FBXW8: variants seen among roughly 807,000 people sequenced by gnomAD.
FBXW8 encodes the protein F-box/WD repeat-containing protein 8.
Under a neutral mutation model 65.3 loss-of-function variants are expected in FBXW8, and 57 were observed. The observed-to-expected ratio is 0.87, with a 90% confidence interval of 0.71 to 1.09. The LOEUF (loss-of-function observed/expected upper bound fraction) is 1.09. FBXW8 is among the 50% of genes least tolerant of loss of function. The probability of loss-of-function intolerance (pLI) is 0.00; values close to 1 mark genes in which losing one functional copy is unlikely to be tolerated. For missense variants in FBXW8, 777 were observed against 814.8 expected, an observed-to-expected ratio of 0.95 and a Z score of 0.57; for synonymous variants, 308 against 330.2, an observed-to-expected ratio of 0.93 and a Z score of 0.73.
At position 116,979,777 on chromosome 12, in the gene FBXW8, C is replaced by CAAAAA. The variant is rs60145855; in HGVS notation, c.836-5414_836-5410dup. 4.4e-4 allele frequency among the ~76,000 whole-genome samples: 33 copies of CAAAAA among 74,490 alleles called. 1 individual carries two copies. Among genetic ancestry groups the CAAAAA allele is most frequent in the African/African-American group, 1.3e-3 (32 of 23,982 alleles). 48.9% of individuals were successfully genotyped at this position (74,490 alleles called of 152,430 possible). A position where few individuals can be genotyped will look rare whatever the true frequency, so the allele number is the denominator to read the frequency against. On this transcript the variant is annotated intron_variant, in intron 5 of 10. Transcript: ENST00000652555. Reference sequence around the variant, plus strand: ...GGATGATGCCTGGTGCAGGGAATGGCAAAAAAAAAAAAAAAAAAACACTTG... The same window carrying CAAAAA: ...GGATGATGCCTGGTGCAGGGAATGGCAAAAAAAAAAAAAAAAAAAAAAAACACTTG...
chr12:117,024,475 G>A (rs1954180193), intron 9 of FBXW8, among the ~76,000 whole-genome samples, 155 bp downstream of exon 9: 2 of 152,180 alleles, frequency 1.3e-5, no homozygotes, highest in Admixed American at 6.5e-5. Context: ...TGCTGTCCCA[G>A]CACCGCTCTG....
rs76510753 is a variant in FBXW8, at chr12:116,939,167, A to G, written c.424-6197A>G. Among the ~76,000 whole-genome samples the G allele has an allele frequency of 8.3e-3, 1,257 of 152,328 alleles. 18 individuals are homozygous for G. The highest frequency in any genetic ancestry group is 0.029 in the African/African-American group (1,195 of 41,560). Reference sequence around the variant, plus strand: ...GAGTTTAGGAAATGCAGCTTCTTATACAGGTTGAACTTCCCAAATCCAAAA... The same window carrying G: ...GAGTTTAGGAAATGCAGCTTCTTATGCAGGTTGAACTTCCCAAATCCAAAA... On this transcript the variant is annotated intron_variant, in intron 2 of 10. Transcript: ENST00000652555.
chr12:116,947,030 T>G (rs936962400), intron 3 of FBXW8, among the ~76,000 whole-genome samples: 5 of 152,052 alleles, frequency 3.3e-5, no homozygotes, highest in Non-Finnish European at 5.9e-5. Flanking sequence ...AAGCAGCAGC[T>G]GTGTTTTTTG....
Position 116,952,382 on chromosome 12 carries a change from G to A in FBXW8, c.677+2676G>A, listed in dbSNP as rs570724845. On this transcript the variant is annotated intron_variant, in intron 4 of 10. Coordinates refer to ENST00000652555, the MANE Select transcript of FBXW8 (RefSeq NM_153348.3). ...GCCATAAAATTCACTCTTTCAAAGT[G>A]TACAATTCAGTGATTTTTTCTTAGT... Among the ~76,000 whole-genome samples the A allele has an allele frequency of 1.9e-4, 29 of 152,268 alleles. No homozygotes were observed. The South Asian group carries it at 5.0e-3, about 26-fold the overall frequency.
intron 5 of FBXW8, among the ~76,000 whole-genome samples, chr12:116,971,766 A>C (rs1884662806): frequency 6.6e-6 from 1 of 151,964 alleles, no homozygotes; most frequent in African/African-American, 2.4e-5. Context: ...CCATTACTCA[A>C]CTGTGCTGTG....
rs543610840 is a variant in FBXW8, at chr12:117,025,655, C to T, written c.1541+1335C>T. On this transcript the variant is annotated intron_variant, in intron 9 of 10. Coordinates refer to ENST00000652555, the MANE Select transcript of FBXW8 (RefSeq NM_153348.3). ...CTGGGTACTGCCTGGCCCGCCCCCT[C>T]GCTGTGGCTGTGCCTGTTGAGGGCG... Among the ~76,000 whole-genome samples, 5 of 152,344 alleles carry T rather than the reference C, an allele frequency of 3.3e-5. No homozygotes were observed. In the South Asian group the frequency reaches 1.0e-3, roughly 32 times the overall value.
intron 2 of FBXW8, among the ~76,000 whole-genome samples, chr12:116,930,363 G>A (rs1881673788): frequency 6.6e-6 from 1 of 152,100 alleles, no homozygotes; most frequent in Non-Finnish European, 1.5e-5. Context: ...TCTAACAGGT[G>A]TAGTTTAATT....
chr12:117,011,292 A>G (rs1592956484), intron 8 of FBXW8, among the ~76,000 whole-genome samples: 1 of 151,046 alleles, frequency 6.6e-6, no homozygotes, highest in South Asian at 2.1e-4. Flanking sequence ...TGAGGCGGGT[A>G]CTCCTCTGTG....
Position 117,027,405 on chromosome 12 carries a change from A to G in FBXW8, c.1553A>G (p.Gln518Arg). The G allele has an allele frequency of 2.5e-6, 4 of 1,613,978 alleles. No individual in the cohort carries two copies. Among genetic ancestry groups the G allele is most frequent in the Non-Finnish European group, 2.5e-6 (3 of 1,179,994 alleles). The change falls in exon 10 of 11, where the codon CAG (glutamine) becomes CGG (arginine). Residue 518 changes from glutamine to arginine, a missense_variant. Transcript: ENST00000652555. ...CCACTGCCTTCCAGGCACCCGGTGC[A>G]GCACATCTCATTCAGCAGCCACAGC... is the stretch of plus-strand genomic sequence containing the variant. ...LWEVYSGHPV[Q>R]HISFSSHSLI...
rs1031894915 is a variant in FBXW8, at chr12:116,944,133, C to G, written c.424-1231C>G. ...GAGCTGGAAGAGGAAACAGAATTAG[C>G]ACACATTAAAACAACTTAGACGTCA... On this transcript the variant is annotated intron_variant, in intron 2 of 10. Transcript: ENST00000652555. Among the ~76,000 whole-genome samples, 7 of 152,300 alleles carry G rather than the reference C, an allele frequency of 4.6e-5. No homozygotes were observed. The South Asian group carries it at 1.5e-3, about 32-fold the overall frequency.
chr12:116,985,919 A>G (rs1403858730), intron 6 of FBXW8: 1 of 152,950 alleles, frequency 6.5e-6, no homozygotes, highest in African/African-American at 2.4e-5. Flanking sequence ...TTGGGTAGCC[A>G]TGTTCCAGGA....
intron 7 of FBXW8, chr12:117,002,402 C>A (rs1953548482): frequency 6.6e-6 from 1 of 152,250 alleles, no homozygotes; most frequent in Non-Finnish European, 1.5e-5. Flanking sequence ...ATGGACGGTG[C>A]CAGAAGCATG....
intron 1 of FBXW8, among the ~76,000 whole-genome samples, chr12:116,921,484 G>C (rs1880898266): frequency 6.6e-6 from 1 of 152,158 alleles, no homozygotes; most frequent in South Asian, 2.1e-4. Flanking sequence ...TACCTTAGGG[G>C]ACGATCTATA....
At chr12:117,024,771 C>A (rs750374420) in intron 9 of FBXW8, among the ~76,000 whole-genome samples, 3 of 152,116 alleles carry the variant, frequency 2.0e-5, no homozygotes. Context: ...GTCCTCCACT[C>A]GAGTCCGTCA....
chr12:116,948,247 A>G (rs966800435), intron 3 of FBXW8, among the ~76,000 whole-genome samples: 1 of 151,752 alleles, frequency 6.6e-6, no homozygotes, highest in Non-Finnish European at 1.5e-5. Context: ...TAGGCCCTCT[A>G]TTTTTCTTTC....
At chr12:117,027,132 C>G (rs1308074181) in intron 9 of FBXW8, among the ~76,000 whole-genome samples, 1 of 152,178 alleles carries the variant, frequency 6.6e-6, no homozygotes, top group Non-Finnish European at 1.5e-5. Context: ...CTGGAATGTA[C>G]CAGGTTGTGG....
At chr12:117,021,284 T>G (rs1954087397) in intron 8 of FBXW8, among the ~76,000 whole-genome samples, 1 of 152,196 alleles carries the variant, frequency 6.6e-6, no homozygotes, top group Non-Finnish European at 1.5e-5. Context: ...TGCTTTTTCT[T>G]ATCTTTTCTG....
At position 116,945,409 on chromosome 12, in the gene FBXW8, T is replaced by C; in HGVS notation, c.469T>C (p.Tyr157His). 1 of 1,614,034 alleles carries C rather than the reference T, an allele frequency of 6.2e-7. No individual in the cohort carries two copies. Among genetic ancestry groups the C allele is most frequent in the Non-Finnish European group, 8.5e-7 (1 of 1,180,012 alleles). The change falls in exon 3 of 11, where the codon TAC becomes CAC. Residue 157 changes from tyrosine (Y) to histidine (H), a missense_variant. Transcript: ENST00000652555. ...KVIAEDEVLWYRLCQQEGHLP... is the reference protein window; with the variant it reads ...KVIAEDEVLWHRLCQQEGHLP... Reference sequence around the variant, plus strand: ...GATTGCAGAGGATGAGGTGCTGTGGTACAGGCTGTGCCAGCAGGAAGGGCA... The same window carrying C: ...GATTGCAGAGGATGAGGTGCTGTGGCACAGGCTGTGCCAGCAGGAAGGGCA...
chr12:116,950,535 A>T (rs1274376706), intron 4 of FBXW8: 2 of 152,180 alleles, frequency 1.3e-5, no homozygotes, highest in East Asian at 3.8e-4. Flanking sequence ...TTAAAGAAAA[A>T]TCTTTCTTTA....
Sources: allele counts gnomAD v4.1 joint callset (sites outside exome capture counted in the v4.1 genomes callset), GRCh38; gene constraint gnomAD v4.1.1; transcripts MANE v1.5; gene names NCBI Gene and HGNC (gene_info 2026-07-23, HGNC 2026-07-21).